The following GRAMD1C variants were observed in gnomAD, a reference collection of about 807,000 sequenced individuals.
GRAMD1C encodes protein Aster-C.
A neutral mutation model predicts 97.8 loss-of-function variants in GRAMD1C; 89 were observed. The observed-to-expected ratio is 0.91, with a 90% CI of 0.77 to 1.09. The LOEUF (loss-of-function observed/expected upper bound fraction) is 1.09, where lower values mean the gene tolerates loss of function less well. Among genes scored for constraint, GRAMD1C ranks in the 50% least tolerant of loss-of-function variants. The pLI is 0.00. For synonymous variants in GRAMD1C, 256 were observed against 267.0 expected, an observed-to-expected ratio of 0.96 and a Z score of 0.40; for missense variants, 740 against 766.4, an observed-to-expected ratio of 0.97 and a Z score of 0.41.
chr3:113,835,660 A>G (rs139567055), upstream of GRAMD1C, among the ~76,000 whole-genome samples: 149 of 152,338 alleles, frequency 9.8e-4, no homozygotes, highest in African/African-American at 3.1e-3. Context: ...AATAAAGTGA[A>G]GCTAAAGCTG....
At chr3:113,926,896 G>T (rs1937247871) in intron 10 of GRAMD1C, among the ~76,000 whole-genome samples, 1 of 152,136 alleles carries the variant, frequency 6.6e-6, no homozygotes, top group Non-Finnish European at 1.5e-5. Flanking sequence ...TTGCACTGGA[G>T]GGGTGGAGGT....
chr3:113,845,674 C>T (rs1281913397), intron 2 of GRAMD1C, among the ~76,000 whole-genome samples: 1 of 152,018 alleles, frequency 6.6e-6, no homozygotes, highest in African/African-American at 2.4e-5. Context: ...CACTGCCCTC[C>T]AGCCTGGGTA....
intron 2 of GRAMD1C, among the ~76,000 whole-genome samples, chr3:113,845,706 A>AAAAAAT (rs1318238717): frequency 9.9e-5 from 15 of 152,198 alleles, no homozygotes; most frequent in Non-Finnish European, 1.8e-4. Context: ...CCCTGTCTCA[A>AAAAAAT]AAAAATAAAA....
upstream of GRAMD1C, among the ~76,000 whole-genome samples, chr3:113,837,723 AAAACAAAC>A (rs58525780): frequency 9.5e-3 from 1,419 of 150,052 alleles, 14 homozygotes; most frequent in Non-Finnish European, 0.015. Flanking sequence ...CCTGTCTCAA[AAAACAAAC>A]AAACAAACAA....
intron 2 of GRAMD1C, among the ~76,000 whole-genome samples, chr3:113,851,667 C>T (rs1186126502): frequency 4.0e-5 from 6 of 148,800 alleles, no homozygotes; most frequent in Non-Finnish European, 7.4e-5. Context: ...TACAGGTGCA[C>T]GCCACCAGCT....
intron 3 of GRAMD1C, among the ~76,000 whole-genome samples, chr3:113,872,946 G>C (rs754343162): frequency 6.7e-6 from 1 of 150,364 alleles, no homozygotes; most frequent in Non-Finnish European, 1.5e-5. Flanking sequence ...TTAGCCAGGC[G>C]TGGTGGCCAG....
rs575953408 is a variant in GRAMD1C, at chr3:113,945,046, C to T, written c.1909-352C>T. Among the ~76,000 whole-genome samples the T allele has an allele frequency of 2.0e-4, 30 of 152,320 alleles. 1 individual carries two copies. In the South Asian group the frequency reaches 5.8e-3, roughly 29 times the overall value. The stretch of plus-strand genomic sequence containing the variant: ...ATGAGGATGAGAGCATGCAAAGGCA[C>T]TGAAGCAAACTTGAGTTGTTTAGGG... On this transcript the variant is annotated intron_variant, in intron 17 of 17. Transcript: ENST00000358160.
upstream of GRAMD1C, among the ~76,000 whole-genome samples, chr3:113,838,014 A>T (rs143858271): frequency 4.1e-3 from 623 of 152,374 alleles, 9 homozygotes; most frequent in South Asian, 0.031. Flanking sequence ...GCCTCCAAGT[A>T]GCAGGTGTCC....
intron 2 of GRAMD1C, among the ~76,000 whole-genome samples, chr3:113,865,553 G>T (rs1934551789): frequency 6.6e-6 from 1 of 152,164 alleles, no homozygotes; most frequent in South Asian, 2.1e-4. Context: ...AGAATAGGAA[G>T]ATGCTATTTT....
chr3:113,855,519 C>T (rs953827657), intron 2 of GRAMD1C, among the ~76,000 whole-genome samples: 7 of 151,578 alleles, frequency 4.6e-5, no homozygotes, highest in African/African-American at 1.7e-4. Context: ...GCCTGGCCAA[C>T]ATGGCAAAAC....
At chr3:113,877,047 C>T (rs1016852948) in intron 5 of GRAMD1C, among the ~76,000 whole-genome samples, 2 of 152,062 alleles carry the variant, frequency 1.3e-5, no homozygotes, top group African/African-American at 4.8e-5. Flanking sequence ...AGGGTCTTGC[C>T]ATGTTGCACA....
At chr3:113,847,699 C>A (rs1577119883) in intron 2 of GRAMD1C, among the ~76,000 whole-genome samples, 1 of 152,136 alleles carries the variant, frequency 6.6e-6, no homozygotes, top group African/African-American at 2.4e-5. Context: ...ACAAGGAAGA[C>A]AAGCCAGGCA....
chr3:113,902,329 A>G (rs1210713689), intron 7 of GRAMD1C, among the ~76,000 whole-genome samples: 4 of 152,114 alleles, frequency 2.6e-5, no homozygotes, highest in Non-Finnish European at 4.4e-5. Context: ...AAAGTTAAAA[A>G]TTTCCATTGT....
At chr3:113,897,131 T>C (rs1935979560) in intron 6 of GRAMD1C, among the ~76,000 whole-genome samples, 1 of 152,182 alleles carries the variant, frequency 6.6e-6, no homozygotes, top group Non-Finnish European at 1.5e-5. Context: ...CACTCAGAGA[T>C]AGAATCTTTG....
intron 5 of GRAMD1C, among the ~76,000 whole-genome samples, chr3:113,878,687 T>C (rs1300263701): frequency 6.6e-6 from 1 of 152,160 alleles, no homozygotes. Flanking sequence ...ACAGAGTTTA[T>C]TTTTGTTTTC....
chr3:113,908,609 T>C (rs1936450946), intron 8 of GRAMD1C, among the ~76,000 whole-genome samples: 2 of 152,322 alleles, frequency 1.3e-5, no homozygotes, highest in South Asian at 4.1e-4. Context: ...GGTTTGGTTC[T>C]TCTCCCTTGT....
chr3:113,879,630 C>T (rs891036616), intron 5 of GRAMD1C, among the ~76,000 whole-genome samples: 7 of 151,980 alleles, frequency 4.6e-5, no homozygotes, highest in Admixed American at 1.3e-4. Context: ...CATGTCATCC[C>T]CATATGTGGA....
At chr3:113,909,844 C>T (rs1005782503) in intron 9 of GRAMD1C, among the ~76,000 whole-genome samples, 1 of 152,146 alleles carries the variant, frequency 6.6e-6, no homozygotes, top group Non-Finnish European at 1.5e-5. Flanking sequence ...CAGAACAATA[C>T]TCAAATTTCT....
chr3:113,931,818 C>T lies in GRAMD1C; in HGVS notation c.1209+986C>T, dbSNP rs9817406. 8.6e-3 allele frequency among the ~76,000 whole-genome samples: 1,301 copies of T among 152,048 alleles called. 23 individuals are homozygous for T. The highest frequency in any genetic ancestry group is 0.029 in the African/African-American group (1,189 of 41,474). On this transcript the variant is annotated intron_variant, in intron 11 of 17. Coordinates refer to ENST00000358160, the MANE Select transcript of GRAMD1C (RefSeq NM_017577.5). ...GTGTGTGCCTGTGGTCTCACCTACT[C>T]AGGAGGCTGAGGCAGGAGGATCGCT...
Sources: gnomAD v4.1 joint callset for allele counts (sites outside exome capture counted in the v4.1 genomes callset) on GRCh38, gnomAD v4.1.1 for gene constraint, MANE v1.5 for transcripts, NCBI Gene and HGNC (gene_info 2026-07-23, HGNC 2026-07-21) for gene names.